Variants in ERBB4 observed in about 807,000 individuals in gnomAD.
The protein encoded by ERBB4 is receptor tyrosine-protein kinase erbB-4.
In ERBB4, 42 loss-of-function variants were observed where a neutral mutation model predicts 158.0. That is an observed-to-expected ratio of 0.27 (90% CI 0.21 to 0.34). The LOEUF is 0.34. Among genes scored for constraint, ERBB4 ranks in the 10% least tolerant of loss-of-function variants. The pLI, the probability that ERBB4 is intolerant of heterozygous loss-of-function variation, is 1.00. For synonymous variants in ERBB4, 583 were observed against 558.7 expected (o/e 1.04, Z -0.61); for missense variants, 1,333 against 1,624.1 (o/e 0.82, Z 3.08).
intron 3 of ERBB4, among the ~76,000 whole-genome samples, chr2:211,799,176 C>T (rs1270968041): frequency 1.3e-5 from 2 of 152,104 alleles, no homozygotes; most frequent in African/African-American, 2.4e-5. Flanking sequence ...GGAATTTTTA[C>T]AGTAGAATAA....
intron 1 of ERBB4, among the ~76,000 whole-genome samples, chr2:212,137,983 C>T (rs1170505540): frequency 2.0e-5 from 3 of 152,140 alleles, no homozygotes; most frequent in Non-Finnish European, 4.4e-5. Context: ...ATACATGGTG[C>T]TCTGGGTTAT....
intron 3 of ERBB4, among the ~76,000 whole-genome samples, chr2:211,886,394 T>C (rs916076194): frequency 2.6e-5 from 4 of 152,086 alleles, no homozygotes; most frequent in Non-Finnish European, 5.9e-5. Context: ...GAATAATGCA[T>C]GGTACATGGA....
chr2:212,405,282 A>T (rs906201837), intron 1 of ERBB4, among the ~76,000 whole-genome samples: 4 of 152,128 alleles, frequency 2.6e-5, no homozygotes, highest in Admixed American at 2.6e-4. Flanking sequence ...TCAAACCACA[A>T]TGAGATACCA....
chr2:211,975,485 T>G (rs1044748519), intron 2 of ERBB4, among the ~76,000 whole-genome samples: 1 of 152,178 alleles, frequency 6.6e-6, no homozygotes, highest in Non-Finnish European at 1.5e-5. Flanking sequence ...AAAGAACAAC[T>G]TCACTTGGAA....
intron 3 of ERBB4, among the ~76,000 whole-genome samples, chr2:211,795,200 C>T (rs1575158734): frequency 6.6e-6 from 1 of 151,730 alleles, no homozygotes; most frequent in African/African-American, 2.4e-5. Context: ...AAATCCTGCT[C>T]TATCACGGCT....
rs577600049 is a variant in ERBB4, at chr2:211,667,032, T to C, written c.1717-1555A>G. Among the ~76,000 whole-genome samples the C allele has an allele frequency of 1.9e-3, 287 of 152,032 alleles. 1 individual carries two copies. Among genetic ancestry groups the C allele is most frequent in the African/African-American group, 6.5e-3 (269 of 41,484 alleles). On this transcript the variant is annotated intron_variant, in intron 14 of 27. Coordinates refer to ENST00000342788, the MANE Select transcript of ERBB4 (RefSeq NM_005235.3). ...AGTGTTTTGGCTTCCCTGGGTCACA[T>C]TGGAAGAAGAATTGTCTTGGGCCAC...
chr2:211,954,103 A>G (rs944770709), intron 2 of ERBB4, among the ~76,000 whole-genome samples: 1 of 151,816 alleles, frequency 6.6e-6, no homozygotes, highest in Non-Finnish European at 1.5e-5. Context: ...ATAGCTATTA[A>G]TTTTTCTGTA....
intron 9 of ERBB4, among the ~76,000 whole-genome samples, chr2:211,706,998 T>C (rs1009308959): frequency 6.6e-6 from 1 of 152,190 alleles, no homozygotes; most frequent in Non-Finnish European, 1.5e-5. Flanking sequence ...AGAGGAAATA[T>C]CAGCTCTGCA....
At chr2:211,664,110 T>A (rs2105915441) in intron 15 of ERBB4, among the ~76,000 whole-genome samples, 1 of 152,326 alleles carries the variant, frequency 6.6e-6, no homozygotes, top group Non-Finnish European at 1.5e-5. Context: ...CTTTTGAGGA[T>A]CTGTCACTTC....
intron 2 of ERBB4, among the ~76,000 whole-genome samples, chr2:211,992,335 C>A (rs977232881): frequency 6.6e-6 from 1 of 152,026 alleles, no homozygotes; most frequent in Non-Finnish European, 1.5e-5. Flanking sequence ...AAAGCAGAAA[C>A]CCCTGATAAA....
At chr2:212,525,035 G>C (rs1692373765) in intron 1 of ERBB4, among the ~76,000 whole-genome samples, 1 of 151,714 alleles carries the variant, frequency 6.6e-6, no homozygotes. Flanking sequence ...AACTCAATCA[G>C]GTAAAACAGC....
chr2:212,260,939 C>T (rs1214537430), intron 1 of ERBB4, among the ~76,000 whole-genome samples: 2 of 151,904 alleles, frequency 1.3e-5, no homozygotes, highest in Non-Finnish European at 2.9e-5. Context: ...TTATGCATAA[C>T]GGCCTAGATA....
rs989834098 is a variant in ERBB4, at chr2:211,380,705, G to T, written c.*2910C>A. ...TATATACTACAGAAATCATTCAAAA[G>T]AATTATAAAGTGGTGCTATTATAAA... On this transcript the variant is annotated 3_prime_UTR_variant, in exon 28 of 28. Transcript: ENST00000342788. 1 of 231,742 alleles carries T rather than the reference G, an allele frequency of 4.3e-6. No homozygotes were observed. The highest frequency in any genetic ancestry group is 6.1e-5 in the East Asian group (1 of 16,378). The allele number at this position is 231,742 out of a possible 1,614,324, so 14.4% of individuals were successfully genotyped here. A position where few individuals can be genotyped will look rare whatever the true frequency, so the allele number is the denominator to read the frequency against.
intron 2 of ERBB4, among the ~76,000 whole-genome samples, chr2:212,113,834 A>C (rs1559522447): frequency 6.6e-6 from 1 of 152,168 alleles, no homozygotes; most frequent in South Asian, 2.1e-4. Context: ...TTATTAACCA[A>C]ATCATTTCAT....
chr2:211,809,440 T>C (rs957610559), intron 3 of ERBB4, among the ~76,000 whole-genome samples: 2 of 152,202 alleles, frequency 1.3e-5, no homozygotes, highest in African/African-American at 4.8e-5. Flanking sequence ...GTCCAGGAAT[T>C]TATCCATTTC....
At chr2:211,781,437 A>T (rs1243660708) in intron 4 of ERBB4, among the ~76,000 whole-genome samples, 1 of 152,192 alleles carries the variant, frequency 6.6e-6, no homozygotes, top group Non-Finnish European at 1.5e-5. Context: ...TCTAGAAAGC[A>T]ACTAAGAATG....
intron 1 of ERBB4, among the ~76,000 whole-genome samples, chr2:212,359,715 A>G (rs2089610986): frequency 6.6e-6 from 1 of 151,764 alleles, no homozygotes; most frequent in African/African-American, 2.4e-5. Flanking sequence ...TACTACATCA[A>G]AGGAAACAGA....
intron 13 of ERBB4, among the ~76,000 whole-genome samples, chr2:211,678,219 G>T (rs2072165329): frequency 6.6e-6 from 1 of 151,450 alleles, no homozygotes; most frequent in South Asian, 2.1e-4. Context: ...TTTTTCTATT[G>T]GGCTAAGCAC....
intron 1 of ERBB4, among the ~76,000 whole-genome samples, chr2:212,530,164 A>T (rs1692673039): frequency 6.8e-6 from 1 of 147,276 alleles, no homozygotes; most frequent in South Asian, 2.2e-4. Flanking sequence ...GAATACCCAT[A>T]AAGAGGATCT....
Sources: gnomAD v4.1 joint callset for allele counts (sites outside exome capture counted in the v4.1 genomes callset) on GRCh38, gnomAD v4.1.1 for gene constraint, MANE v1.5 for transcripts, NCBI Gene and HGNC (gene_info 2026-07-23, HGNC 2026-07-21) for gene names.